RAB37: variants seen among roughly 807,000 people sequenced by gnomAD.
RAB37 encodes ras-related protein Rab-37.
In RAB37, 29 loss-of-function variants were observed where a neutral mutation model predicts 33.1. That is an observed-to-expected ratio of 0.88 (90% CI 0.65 to 1.20). RAB37 has a LOEUF of 1.20. Ranked by LOEUF, RAB37 falls within the 50% of genes most tolerant of loss-of-function variation. RAB37 has a pLI of 0.00. For missense variants in RAB37, 299 were observed against 301.1 expected (o/e 0.99, Z 0.05); for synonymous variants, 128 against 119.5 (o/e 1.07, Z -0.47).
chr17:74,741,197 G>A (rs181015379), intron 2 of RAB37, among the ~76,000 whole-genome samples: 3 of 152,248 alleles, frequency 2.0e-5, no homozygotes, highest in Admixed American at 2.0e-4. Context: ...CAGAGCCCCT[G>A]CTCATTGCTC....
At chr17:74,678,680 C>T (rs1035670316) in intron 1 of RAB37, among the ~76,000 whole-genome samples, 3 of 145,768 alleles carry the variant, frequency 2.1e-5, no homozygotes, top group African/African-American at 8.4e-5. Context: ...CACAGACACA[C>T]AGACACACAC....
intron 1 of RAB37, among the ~76,000 whole-genome samples, chr17:74,722,270 G>A (rs763777747): frequency 8.7e-5 from 13 of 148,858 alleles, no homozygotes; most frequent in Non-Finnish European, 1.3e-4. Context: ...GCGACAGAGC[G>A]AGACTCTGTC....
chr17:74,707,009 G>T (rs987959737), intron 1 of RAB37, among the ~76,000 whole-genome samples: 2 of 152,214 alleles, frequency 1.3e-5, no homozygotes, highest in Non-Finnish European at 2.9e-5. Flanking sequence ...AGATGTAAAT[G>T]TAAGACCTGA....
intron 1 of RAB37, among the ~76,000 whole-genome samples, chr17:74,722,200 G>T (rs1003782806): frequency 6.6e-6 from 1 of 151,556 alleles, no homozygotes; most frequent in East Asian, 1.9e-4. Context: ...GGAGAATGGC[G>T]TGAACCCGGG....
upstream of RAB37, among the ~76,000 whole-genome samples, chr17:74,733,485 T>TGTGGG (rs2034420837): frequency 1.8e-4 from 2 of 11,394 alleles, no homozygotes; most frequent in Admixed American, 1.1e-3. Flanking sequence ...TGGTGTGAGG[T>TGTGGG]GTGTGGTGTG....
intron 1 of RAB37, among the ~76,000 whole-genome samples, chr17:74,725,207 C>A (rs1408603730): frequency 6.6e-6 from 1 of 152,060 alleles, no homozygotes; most frequent in Admixed American, 6.6e-5. Context: ...CCCCCACCCA[C>A]AAGCTCCTCT....
At chr17:74,732,347 C>T (rs1276192479), upstream of RAB37, among the ~76,000 whole-genome samples, 1 of 151,642 alleles carries the variant, frequency 6.6e-6, no homozygotes, top group Non-Finnish European at 1.5e-5. Flanking sequence ...AGTCTCTGCC[C>T]GGGTCTCCTT....
rs2034691225 is a variant in RAB37 at position 74,744,176 on chromosome 17, A to C, written c.367-132A>C. 2.3e-6 allele frequency: 2 copies of C among 859,896 alleles called. No homozygotes were observed. Among genetic ancestry groups the C allele is most frequent in the Admixed American group, 2.4e-5 (1 of 41,338 alleles). The allele number at this position is 859,896 out of a possible 1,614,324, so 53.3% of individuals were successfully genotyped here. A position where few individuals can be genotyped will look rare whatever the true frequency, so the allele number is the denominator to read the frequency against. On this transcript the variant is annotated intron_variant, in intron 5 of 8. Coordinates refer to ENST00000392613, the MANE Select transcript of RAB37 (RefSeq NM_001006638.3). The surrounding 1 kb of genome is among the most constrained non-coding windows in gnomAD (Gnocchi z 4.2). ...ATCCAGGCCTGGATGGGCCAGAACA[A>C]AGGTACAGATGAGAGAACGCACAGG...
chr17:74,696,171 G>A, intron 1 of RAB37: 3 of 1,595,354 alleles, frequency 1.9e-6, no homozygotes, highest in Non-Finnish European at 2.6e-6. Flanking sequence ...GGTCTCTCTG[G>A]TCCGACCTTG....
At position 74,745,260 on chromosome 17, in the gene RAB37, CCCCAGCCCAG is replaced by C. The variant is rs372786583; in HGVS notation, c.567-26_567-17del. The stretch of plus-strand genomic sequence containing the variant: ...GGGGAGGGGGCGGCTCAGCTCCTCA[CCCCAGCCCAG>C]CCCAGCCCAGCCCAGCCCATTGTCT... On this transcript the variant is annotated intron_variant, in intron 8 of 8. Coordinates refer to ENST00000392613, the MANE Select transcript of RAB37 (RefSeq NM_001006638.3). This position sits in a 1 kb window ranked among gnomAD's most constrained non-coding sequence, Gnocchi z 4.5. 46 of 1,583,728 alleles carry C rather than the reference CCCCAGCCCAG, an allele frequency of 2.9e-5. No homozygotes were observed. In the Admixed American group the frequency reaches 3.7e-4, roughly 13 times the overall value.
At position 74,744,758 on chromosome 17, in the gene RAB37, C is replaced by T; in HGVS notation, c.433-115C>T. 2.4e-6 allele frequency: 3 copies of T among 1,241,778 alleles called. No homozygotes were observed. The highest frequency in any genetic ancestry group is 2.4e-6 in the Non-Finnish European group (2 of 844,080). The allele number at this position is 1,241,778 out of a possible 1,614,324, so 76.9% of individuals were successfully genotyped here. ...CCTGGCCCCAGGCCAATCACACCTG[C>T]CTGCAGTCCCTTGGGCCACCAGCAG... is the stretch of plus-strand genomic sequence containing the variant. On this transcript the variant is annotated intron_variant, in intron 6 of 8. Transcript: ENST00000392613. The surrounding 1 kb of genome is among the most constrained non-coding windows in gnomAD (Gnocchi z 4.2).
At chr17:74,707,148 C>T (rs1188464101) in intron 1 of RAB37, among the ~76,000 whole-genome samples, 2 of 152,102 alleles carry the variant, frequency 1.3e-5, no homozygotes, top group Non-Finnish European at 2.9e-5. Context: ...ACTCACAAAA[C>T]CAAAGAGCTT....
intron 1 of RAB37, among the ~76,000 whole-genome samples, chr17:74,726,552 G>C (rs2034310221): frequency 6.6e-6 from 1 of 152,188 alleles, no homozygotes; most frequent in South Asian, 2.1e-4. Context: ...AAAGCCTGAG[G>C]AAGTTAGATT....
chr17:74,740,164 A>AAAAG lies in RAB37; in HGVS notation c.94-584_94-581dup, dbSNP rs750804715. Among the ~76,000 whole-genome samples, 28 of 152,082 alleles carry AAAAG rather than the reference A, an allele frequency of 1.8e-4. 1 individual carries two copies. Among genetic ancestry groups the AAAAG allele is most frequent in the South Asian group, 6.2e-4 (3 of 4,816 alleles). On this transcript the variant is annotated intron_variant, in intron 1 of 8. Transcript: ENST00000392613. The stretch of plus-strand genomic sequence containing the variant: ...AGAGCAAAACTCCATCTCAAAAAAA[A>AAAAG]AAAGAAAGAAAGAAAGAAAGAAACT...
At chr17:74,734,786 T>C (rs988702327), upstream of RAB37, among the ~76,000 whole-genome samples, 1 of 150,954 alleles carries the variant, frequency 6.6e-6, no homozygotes, top group Non-Finnish European at 1.5e-5. Flanking sequence ...GAGGCGGAGG[T>C]TGCAGTGAGC....
chr17:74,706,787 T>C lies in RAB37; in HGVS notation c.73-22469T>C, dbSNP rs560691620. On this transcript the variant is annotated intron_variant, in intron 1 of 7. Coordinates refer to the RAB37 transcript ENST00000340415. ...GGGGTGAGGACCACGGCAGCCTGGA[T>C]TGGAGAGCAGGGTATCCATGCGAAG... Among the ~76,000 whole-genome samples, 4 of 152,308 alleles carry C rather than the reference T, an allele frequency of 2.6e-5. No individual in the cohort carries two copies. In the East Asian group the frequency reaches 7.7e-4, roughly 29 times the overall value.
chr17:74,740,927 C>A, intron 2 of RAB37, 49 bp downstream of exon 2: 1 of 1,399,274 alleles, frequency 7.1e-7, no homozygotes, highest in Non-Finnish European at 1.0e-6. Context: ...AGGGCTGTGG[C>A]TCAGGCATGG....
chr17:74,677,096 G>A (rs1037405044), intron 1 of RAB37, among the ~76,000 whole-genome samples: 3 of 152,118 alleles, frequency 2.0e-5, no homozygotes, highest in African/African-American at 4.8e-5. Flanking sequence ...GTTGCAGTGA[G>A]CTGAGATCAC....
At chr17:74,731,783 G>A (rs62084907) in intron 2 of RAB37, among the ~76,000 whole-genome samples, 3,041 of 152,140 alleles carry the variant, frequency 0.02, 54 homozygotes, top group Middle Eastern at 0.034. Context: ...CGAGGCGGGC[G>A]GATCACTTGA....
Sources: gnomAD v4.1 joint callset for allele counts (sites outside exome capture counted in the v4.1 genomes callset) on GRCh38, gnomAD v4.1.1 for gene constraint, Gnocchi (gnomAD v3.1) non-coding constraint, MANE v1.5 for transcripts, NCBI Gene and HGNC (gene_info 2026-07-23, HGNC 2026-07-21) for gene names.